KIF1A: variants seen among roughly 807,000 people sequenced by gnomAD.
KIF1A encodes the protein kinesin-like protein KIF1A.
Under a neutral mutation model 227.3 loss-of-function variants are expected in KIF1A, and 46 were observed. The ratio of observed to expected loss-of-function variants is 0.20; its 90% CI spans 0.16 to 0.26. KIF1A has a LOEUF of 0.26. Among genes scored for constraint, KIF1A ranks in the 10% least tolerant of loss-of-function variants. The pLI is 1.00. For missense variants in KIF1A, 1,683 were observed against 2,485.9 expected, an observed-to-expected ratio of 0.68 and a Z score of 6.87; for synonymous variants, 1,022 against 1,012.8, an observed-to-expected ratio of 1.01 and a Z score of -0.17.
chr2:240,731,802 C>T (rs1042390802), intron 38 of KIF1A, among the ~76,000 whole-genome samples: 1 of 151,896 alleles, frequency 6.6e-6, no homozygotes, highest in Non-Finnish European at 1.5e-5. Context: ...CCAGGGCCAG[C>T]AGTCCCCATC....
intron 10 of KIF1A, among the ~76,000 whole-genome samples, chr2:240,780,780 A>T (rs1380093219): frequency 2.3e-5 from 3 of 129,098 alleles, no homozygotes; most frequent in Non-Finnish European, 4.8e-5. Flanking sequence ...CCACACACAC[A>T]CACACACACA....
At chr2:240,809,606 C>CA (rs2057701603) in intron 1 of KIF1A, among the ~76,000 whole-genome samples, 1 of 150,618 alleles carries the variant, frequency 6.6e-6, no homozygotes, top group Non-Finnish European at 1.5e-5. Flanking sequence ...TCTATGTTAA[C>CA]AAAAAATGTT....
In KIF1A at chr2:240,809,781, A is replaced by G. The variant is rs549815929; in HGVS notation, c.-61+10341T>C. On this transcript the variant is annotated intron_variant, in intron 1 of 48. Transcript: ENST00000498729. ...CCACCAGGATTCAAGAGAAATACCT[A>G]ATGTAAATGACGAGTTGATGGGTGC... 9.0e-4 allele frequency among the ~76,000 whole-genome samples: 136 copies of G among 151,352 alleles called. 1 individual carries two copies. The highest frequency in any genetic ancestry group is 3.1e-3 in the African/African-American group (128 of 41,198).
At chr2:240,799,523 G>A (rs936482402) in intron 1 of KIF1A, among the ~76,000 whole-genome samples, 1 of 151,792 alleles carries the variant, frequency 6.6e-6, no homozygotes, top group East Asian at 1.9e-4. Flanking sequence ...GTGCAGCCGC[G>A]TCTACACTCC....
chr2:240,773,781 G>C (rs1255962284), intron 12 of KIF1A, among the ~76,000 whole-genome samples: 2 of 152,160 alleles, frequency 1.3e-5, no homozygotes, highest in African/African-American at 4.8e-5. Context: ...GCAGCCTCTA[G>C]CATGGCTAGG....
intron 28 of KIF1A, among the ~76,000 whole-genome samples, chr2:240,749,504 C>T (rs2048977817): frequency 6.6e-6 from 1 of 152,174 alleles, no homozygotes; most frequent in African/African-American, 2.4e-5. Flanking sequence ...GCCCAGGCAG[C>T]CAAGGCCTTT....
At chr2:240,737,368 C>G in intron 37 of KIF1A, 200 bp from the exon 38 acceptor site, 1 of 514,716 alleles carries the variant, frequency 1.9e-6, no homozygotes, top group Non-Finnish European at 3.6e-6. Flanking sequence ...TGCTGCTCCA[C>G]GGTCTTTCTT....
chr2:240,750,356 C>A, intron 28 of KIF1A, 73 bp downstream of exon 28: 6 of 1,130,570 alleles, frequency 5.3e-6, no homozygotes, highest in South Asian at 2.7e-5. Context: ...CTTGGGCCCA[C>A]GCCTCTGCCT....
At position 240,798,015 on chromosome 2, in the gene KIF1A, C is replaced by T. The variant is rs541934466; in HGVS notation, c.-60-203G>A. ...GCCCAGCGGGACCAGTGGAACCCAG[C>T]TTCGCAAGCCTGAGGAAGCTGAAAC... On this transcript the variant is annotated intron_variant, in intron 1 of 48. Coordinates refer to ENST00000498729, the MANE Select transcript of KIF1A (RefSeq NM_001244008.2). The T allele has an allele frequency of 1.6e-5, 6 of 386,396 alleles. 1 individual carries two copies. In the South Asian group the frequency reaches 3.3e-4, roughly 21 times the overall value. 23.9% of individuals were successfully genotyped at this position (386,396 alleles called of 1,614,324 possible).
At chr2:240,754,418 G>A (rs904766448) in intron 27 of KIF1A, among the ~76,000 whole-genome samples, 10 of 152,176 alleles carry the variant, frequency 6.6e-5, no homozygotes, top group African/African-American at 2.4e-4. Context: ...TCAGCCAGAA[G>A]GGACCTCTAG....
At chr2:240,767,380 A>G (rs1422429052) in intron 17 of KIF1A, 35 bp from the exon 18 acceptor site, 1 of 1,558,718 alleles carries the variant, frequency 6.4e-7, no homozygotes, top group Non-Finnish European at 8.8e-7. Context: ...TCTCTTGCAG[A>G]GGGGCAGGAG....
chr2:240,757,365 G>T lies in KIF1A; in HGVS notation c.2812C>A (p.Arg938=). The T allele has an allele frequency of 1.9e-6, 3 of 1,550,644 alleles. No individual in the cohort carries two copies. Among genetic ancestry groups the T allele is most frequent in the Non-Finnish European group, 2.6e-6 (3 of 1,147,048 alleles). ...VFPEHALCDG[R]DPFYDRPPLF... is the part of the protein sequence containing the mutation. ...GGGGGCCGGTCGTAAAACGGGTCCC[G>T]GCCGTCGCACAGCGCGTGCTCCGGA... Residue 938 remains arginine (R), a synonymous_variant, in exon 27 of 49, where the codon CGG becomes AGG. Transcript: ENST00000498729. The surrounding 1 kb of genome is among the most constrained non-coding windows in gnomAD (Gnocchi z 6.2).
chr2:240,725,257 C>G lies in KIF1A; in HGVS notation c.4256+14G>C. Reference sequence around the variant, plus strand: ...GGGTGGGAGTCCATGTGGTCCTCACCCCTGGGAGCTTACCTCTCTGAGGCC... The same window carrying G: ...GGGTGGGAGTCCATGTGGTCCTCACGCCTGGGAGCTTACCTCTCTGAGGCC... On this transcript the variant is annotated intron_variant, in intron 40 of 48. Transcript: ENST00000498729. The surrounding 1 kb of genome is among the most constrained non-coding windows in gnomAD (Gnocchi z 5.8). 1 of 1,589,352 alleles carries G rather than the reference C, an allele frequency of 6.3e-7. No homozygotes were observed. The highest frequency in any genetic ancestry group is 8.6e-7 in the Non-Finnish European group (1 of 1,168,584).
chr2:240,812,014 T>A (rs2057904072), intron 1 of KIF1A, among the ~76,000 whole-genome samples: 1 of 152,036 alleles, frequency 6.6e-6, no homozygotes, highest in South Asian at 2.1e-4. Flanking sequence ...AGGGAGACCA[T>A]GAGCCCTGAG....
upstream of KIF1A, among the ~76,000 whole-genome samples, chr2:240,820,519 G>T (rs1575690511): frequency 6.6e-6 from 1 of 151,786 alleles, no homozygotes; most frequent in Non-Finnish European, 1.5e-5. This position sits in a 1 kb window ranked among gnomAD's most constrained non-coding sequence, Gnocchi z 6.2. Context: ...GCGGGGGAGG[G>T]ACCCGGCGGC....
chr2:240,728,295 G>A, intron 38 of KIF1A: 1 of 746,546 alleles, frequency 1.3e-6, no homozygotes, highest in South Asian at 1.4e-5. Flanking sequence ...GTCAGAGAAA[G>A]GGCATAGAAG....
At chr2:240,797,861 G>C in intron 1 of KIF1A, 49 bp from the exon 2 acceptor site, 1 of 677,670 alleles carries the variant, frequency 1.5e-6, no homozygotes, top group South Asian at 1.8e-5. Flanking sequence ...GAGGAGGCAG[G>C]ACAGGCACTC....
intron 20 of KIF1A, among the ~76,000 whole-genome samples, chr2:240,763,985 C>T (rs1415191725): frequency 6.6e-6 from 1 of 152,202 alleles, no homozygotes; most frequent in African/African-American, 2.4e-5. Flanking sequence ...GCTGGACCCC[C>T]CTCAGGGCTG....
intron 2 of KIF1A, among the ~76,000 whole-genome samples, chr2:240,794,517 G>A (rs1314805481): frequency 6.6e-6 from 1 of 152,178 alleles, no homozygotes; most frequent in Non-Finnish European, 1.5e-5. Flanking sequence ...TCTCACAGCT[G>A]TAAACACAAA....
Sources: allele counts gnomAD v4.1 joint callset (sites outside exome capture counted in the v4.1 genomes callset), GRCh38; gene constraint gnomAD v4.1.1; non-coding constraint Gnocchi (gnomAD v3.1); transcripts MANE v1.5; gene names NCBI Gene and HGNC (gene_info 2026-07-23, HGNC 2026-07-21).